Variants in CASP10 observed in about 807,000 individuals in gnomAD.
The protein encoded by CASP10 is caspase-10.
In CASP10, 41 loss-of-function variants were observed where a neutral mutation model predicts 48.5. The observed-to-expected ratio is 0.85, with a 90% CI of 0.66 to 1.10. The LOEUF (loss-of-function observed/expected upper bound fraction) is 1.10. CASP10 is among the 50% of genes least tolerant of loss of function. The pLI is 0.00. For missense variants in CASP10, 614 were observed against 614.5 expected (o/e 1.00, Z 0.01); for synonymous variants, 232 against 238.4 (o/e 0.97, Z 0.25).
chr2:201,184,663 T>C (rs1944350403), intron 1 of CASP10, among the ~76,000 whole-genome samples: 2 of 152,218 alleles, frequency 1.3e-5, no homozygotes. Context: ...TTTCTAAAAA[T>C]AGCCAAGTTC....
intron 1 of CASP10, 106 bp from the exon 2 acceptor site, chr2:201,185,665 T>C: frequency 1.3e-6 from 1 of 786,962 alleles, no homozygotes; most frequent in Admixed American, 2.0e-5. Context: ...TAGGAAAGTC[T>C]AATGCCCAGA....
Position 201,208,100 on chromosome 2 carries a change from G to T in CASP10, c.839G>T (p.Arg280Leu), listed in dbSNP as rs750581097. 2.4e-5 allele frequency: 39 copies of T among 1,613,446 alleles called. No individual in the cohort carries two copies. Among genetic ancestry groups the T allele is most frequent in the Non-Finnish European group, 5.9e-6 (7 of 1,179,594 alleles). ...AGGGCAGCTGTGTACAGGATGAATC[G>T]GAACCACAGAGGCCTCTGTGTCATT... ...TKRAAVYRMNRNHRGLCVIVN... is the reference protein window; with the variant it reads ...TKRAAVYRMNLNHRGLCVIVN... Residue 280 changes from arginine to leucine, a missense_variant, in exon 8 of 10, where the codon CGG becomes CTG. Physicochemically the swap from Arg to Leu is moderately radical, Grantham distance 102. Transcript: ENST00000286186.
rs16836813 is a variant in CASP10 at position 201,188,031 on chromosome 2, C to T, written c.441+232C>T. On this transcript the variant is annotated intron_variant, in intron 3 of 9. Coordinates refer to ENST00000286186, the MANE Select transcript of CASP10 (RefSeq NM_032977.4). ...TTTTCTGAGTCTCTATTTTCTTAGA[C>T]GTAAAATTGTGGGCAATCGTATGAC... Among the ~76,000 whole-genome samples the T allele has an allele frequency of 0.057, 8,700 of 152,142 alleles. 332 individuals are homozygous for T. Among genetic ancestry groups the T allele is most frequent in the African/African-American group, 0.11 (4,450 of 41,500 alleles).
chr2:201,187,060 G>A (rs1165751769), intron 2 of CASP10, among the ~76,000 whole-genome samples: 2 of 152,178 alleles, frequency 1.3e-5, no homozygotes, highest in Non-Finnish European at 2.9e-5. Context: ...AGCCTTTGGA[G>A]GGTGTTTTAT....
rs1444928342 is a variant in CASP10 at position 201,217,630 on chromosome 2, T to C, written c.1458T>C (p.Asp486=). The C allele has an allele frequency of 6.2e-7, 1 of 1,614,154 alleles. No homozygotes were observed. Among genetic ancestry groups the C allele is most frequent in the South Asian group, 1.1e-5 (1 of 91,080 alleles). The change falls in exon 10 of 10, where the codon GAT becomes GAC. Residue 486 remains aspartate (D), a synonymous_variant. Transcript: ENST00000286186. ...CCATCCTCACTGCTGTCAACGATGA[T>C]GTGAGTCGAAGAGTGGACAAACAGG... is the stretch of plus-strand genomic sequence containing the variant. The part of the protein sequence containing the change: ...ILSILTAVND[D]VSRRVDKQGT...
chr2:201,218,372 T>C lies in CASP10; in HGVS notation c.*631T>C. 2.1e-6 allele frequency: 2 copies of C among 956,222 alleles called. No individual in the cohort carries two copies. The highest frequency in any genetic ancestry group is 3.5e-5 in the African/African-American group (2 of 56,422). 59.2% of individuals were successfully genotyped at this position (956,222 alleles called of 1,614,324 possible). A position where few individuals can be genotyped will look rare whatever the true frequency, so the allele number is the denominator to read the frequency against. On this transcript the variant is annotated 3_prime_UTR_variant, in exon 10 of 10. Transcript: ENST00000286186. Reference sequence around the variant, plus strand: ...GGCTGGAGTGCAGTGGTGGGATCACTGTTCACTGCAGCCTTGACCTCCCAG... The same window carrying C: ...GGCTGGAGTGCAGTGGTGGGATCACCGTTCACTGCAGCCTTGACCTCCCAG...
intron 9 of CASP10, among the ~76,000 whole-genome samples, chr2:201,215,801 T>G (rs758205618): frequency 6.6e-5 from 10 of 152,100 alleles, no homozygotes; most frequent in African/African-American, 2.4e-4. Context: ...AATGTAATTT[T>G]TTTGTTTGTT....
rs375798142 is a variant in CASP10, at chr2:201,209,271, G to A, written c.1124G>A (p.Arg375Gln). 8.1e-6 allele frequency: 13 copies of A among 1,613,964 alleles called. No homozygotes were observed. The highest frequency in any genetic ancestry group is 2.2e-5 in the East Asian group (1 of 44,886). ...YSSDEALIPI[R>Q]EIMSHFTALQ... is the part of the protein sequence containing the mutation. Reference sequence around the variant, plus strand: ...TCGGATGAGGCCCTCATTCCCATTCGGGAGATCATGTCTCACTTCACAGCC... The same window carrying A: ...TCGGATGAGGCCCTCATTCCCATTCAGGAGATCATGTCTCACTTCACAGCC... Residue 375 changes from arginine (R) to glutamine (Q), a missense_variant, in exon 9 of 10, where the codon CGG (arginine) becomes CAG (glutamine). Arg to Gln is a conservative substitution (Grantham distance 43, BLOSUM62 1). Coordinates refer to ENST00000286186, the MANE Select transcript of CASP10 (RefSeq NM_032977.4).
intron 9 of CASP10, among the ~76,000 whole-genome samples, chr2:201,210,139 T>C (rs1945348859): frequency 6.6e-6 from 1 of 152,256 alleles, no homozygotes; most frequent in Admixed American, 6.5e-5. Context: ...TATTTATCAC[T>C]CACTCTTACG....
chr2:201,210,263 A>G (rs369207405), intron 9 of CASP10, among the ~76,000 whole-genome samples: 6 of 152,314 alleles, frequency 3.9e-5, no homozygotes, highest in African/African-American at 1.4e-4. Flanking sequence ...CCTAGAGGCC[A>G]TGGGCTCCTC....
In CASP10 at chr2:201,206,625, T is replaced by C. The variant is rs1032765073; in HGVS notation, c.813+652T>C. On this transcript the variant is annotated intron_variant, in intron 7 of 9. Transcript: ENST00000286186. ...ATATATATATATACACACACTCATA[T>C]ATATATTCACATATATATAAAGATG... Among the ~76,000 whole-genome samples the C allele has an allele frequency of 4.7e-5, 7 of 149,196 alleles. 1 individual carries two copies. Among genetic ancestry groups the C allele is most frequent in the African/African-American group, 7.3e-5 (3 of 40,908 alleles).
chr2:201,210,413 A>G (rs112817259), intron 9 of CASP10, among the ~76,000 whole-genome samples: 2 of 152,240 alleles, frequency 1.3e-5, no homozygotes, highest in African/African-American at 4.8e-5. Context: ...TGCTGGGCCA[A>G]TGAATGACTT....
chr2:201,225,726 C>T (rs1021279327), downstream of CASP10, among the ~76,000 whole-genome samples: 3 of 152,166 alleles, frequency 2.0e-5, no homozygotes, highest in East Asian at 1.9e-4. Context: ...AATCCCAGAA[C>T]TTTGGGAGGC....
chr2:201,200,595 C>A, intron 5 of CASP10: 1 of 1,546,406 alleles, frequency 6.5e-7, no homozygotes, highest in Non-Finnish European at 8.7e-7. Context: ...GCCTGCTCTT[C>A]GGCTCTGCCC....
At chr2:201,191,314 G>A (rs1944604333) in intron 3 of CASP10, among the ~76,000 whole-genome samples, 1 of 152,114 alleles carries the variant, frequency 6.6e-6, no homozygotes, top group Non-Finnish European at 1.5e-5. Flanking sequence ...GCTGTGGCAT[G>A]GAATTGTGAT....
chr2:201,217,649 A>C lies in CASP10; in HGVS notation c.1477A>C (p.Lys493Gln), dbSNP rs369901008. 2 of 1,614,106 alleles carry C rather than the reference A, an allele frequency of 1.2e-6. No individual in the cohort carries two copies. The highest frequency in any genetic ancestry group is 1.7e-6 in the Non-Finnish European group (2 of 1,180,032). The change falls in exon 10 of 10, where the codon AAA becomes CAA. Residue 493 changes from lysine to glutamine, a missense_variant. Coordinates refer to ENST00000286186, the MANE Select transcript of CASP10 (RefSeq NM_032977.4). ...CGATGATGTGAGTCGAAGAGTGGAC[A>C]AACAGGGAACAAAGAAACAGATGCC... ...VNDDVSRRVD[K>Q]QGTKKQMPQP... is the part of the protein sequence containing the mutation.
chr2:201,206,571 T>A (rs1945213874), intron 7 of CASP10, among the ~76,000 whole-genome samples: 1 of 147,594 alleles, frequency 6.8e-6, no homozygotes, highest in African/African-American at 2.5e-5. Flanking sequence ...TAAGTATACT[T>A]TATATATATA....
At chr2:201,201,696 G>T (rs997654559) in intron 5 of CASP10, among the ~76,000 whole-genome samples, 2 of 152,146 alleles carry the variant, frequency 1.3e-5, no homozygotes, top group Non-Finnish European at 1.5e-5. Flanking sequence ...GACTTTTAAG[G>T]TTGGAAGGTG....
Position 201,220,665 on chromosome 2 carries a change from G to T in CASP10, c.*2924G>T. On this transcript the variant is annotated 3_prime_UTR_variant, in exon 10 of 10. Coordinates refer to ENST00000286186, the MANE Select transcript of CASP10 (RefSeq NM_032977.4). ...TCGGCCAGAAGCCCCTTTCAAATTT[G>T]TTTTCTCTAAAATAAACCTGTCCTT... is the stretch of plus-strand genomic sequence containing the variant. 1.1e-6 allele frequency: 1 copy of T among 872,420 alleles called. No individual in the cohort carries two copies. The highest frequency in any genetic ancestry group is 1.4e-6 in the Non-Finnish European group (1 of 726,988). 54.0% of individuals were successfully genotyped at this position (872,420 alleles called of 1,614,324 possible).
Sources: gnomAD v4.1 joint callset for allele counts (sites outside exome capture counted in the v4.1 genomes callset) on GRCh38, gnomAD v4.1.1 for gene constraint, MANE v1.5 for transcripts, NCBI Gene and HGNC (gene_info 2026-07-23, HGNC 2026-07-21) for gene names.